Variants in KCTD16 observed in about 807,000 individuals in gnomAD.
KCTD16 encodes the protein potassium channel tetramerization domain containing 16.
A neutral mutation model predicts 33.2 loss-of-function variants in KCTD16; 13 were observed. The ratio of observed to expected loss-of-function variants is 0.39; its 90% CI spans 0.25 to 0.62. The LOEUF (loss-of-function observed/expected upper bound fraction) is 0.62. Ranked by LOEUF, KCTD16 falls within the 20% of genes least tolerant of loss-of-function variation. The pLI is 0.50. For missense variants in KCTD16, 441 were observed against 525.1 expected (o/e 0.84, Z 1.57); for synonymous variants, 197 against 195.3 (o/e 1.01, Z -0.07).
intron 3 of KCTD16, among the ~76,000 whole-genome samples, chr5:144,468,424 G>C (rs1283475551): frequency 6.6e-6 from 1 of 152,094 alleles, no homozygotes; most frequent in Non-Finnish European, 1.5e-5. Context: ...GTTCTTGCCC[G>C]TACTAACCAT....
chr5:144,398,164 C>G (rs1282180016), intron 3 of KCTD16, among the ~76,000 whole-genome samples: 1 of 152,200 alleles, frequency 6.6e-6, no homozygotes, highest in Non-Finnish European at 1.5e-5. Context: ...GGAAATCCCA[C>G]AGCAAAACCT....
intron 3 of KCTD16, among the ~76,000 whole-genome samples, chr5:144,317,518 A>C (rs1164156139): frequency 6.6e-6 from 1 of 152,166 alleles, no homozygotes; most frequent in African/African-American, 2.4e-5. Flanking sequence ...AACCGGAGAA[A>C]GCCCAAACTT....
chr5:144,476,348 C>A lies in KCTD16; in HGVS notation c.*2234C>A, dbSNP rs1010351341. 5 of 152,072 alleles carry A rather than the reference C, an allele frequency of 3.3e-5. No homozygotes were observed. The highest frequency in any genetic ancestry group is 7.2e-5 in the African/African-American group (3 of 41,420). The allele number at this position is 152,072 out of a possible 1,614,324, so 9.4% of individuals were successfully genotyped here. On this transcript the variant is annotated 3_prime_UTR_variant, in exon 4 of 4. Transcript: ENST00000512467. ...TAATGGCCTCAAGATAGAGAGATAC[C>A]CTTATAAGAGTAAAGAATTAAGATG...
intron 3 of KCTD16, among the ~76,000 whole-genome samples, chr5:144,266,096 T>C (rs1755134837): frequency 6.6e-6 from 1 of 152,214 alleles, no homozygotes; most frequent in Admixed American, 6.5e-5. Context: ...GTGTGTTGCC[T>C]CTGAGAGGTT....
intron 3 of KCTD16, among the ~76,000 whole-genome samples, chr5:144,230,629 A>G (rs571881168): frequency 6.6e-5 from 10 of 152,336 alleles, no homozygotes; most frequent in African/African-American, 1.2e-4. Context: ...GGGAATGCCA[A>G]TTATATAAGG....
At chr5:144,194,382 G>T (rs1752901356) in intron 2 of KCTD16, among the ~76,000 whole-genome samples, 1 of 152,190 alleles carries the variant, frequency 6.6e-6, no homozygotes, top group African/African-American at 2.4e-5. Flanking sequence ...CCTCTCAGTA[G>T]GAGGCTCTGC....
chr5:144,446,790 A>G (rs1005507575), intron 3 of KCTD16, among the ~76,000 whole-genome samples: 4 of 152,212 alleles, frequency 2.6e-5, no homozygotes, highest in South Asian at 2.1e-4. Context: ...TATGCAGCCA[A>G]CAAACATATG....
intron 3 of KCTD16, among the ~76,000 whole-genome samples, chr5:144,422,429 T>C (rs963266297): frequency 1.3e-5 from 2 of 152,178 alleles, no homozygotes; most frequent in African/African-American, 2.4e-5. Flanking sequence ...GTATTTGTCC[T>C]CCCCTATTTG....
Position 144,207,005 on chromosome 5 carries a change from T to A in KCTD16, c.291T>A (p.Pro97=). 1 of 1,614,154 alleles carries A rather than the reference T, an allele frequency of 6.2e-7. No homozygotes were observed. The highest frequency in any genetic ancestry group is 8.5e-7 in the Non-Finnish European group (1 of 1,180,024). ...DYLRDRQVVL[P]DHFPEKGRLK... ...TCAGGGACAGGCAGGTGGTCCTGCC[T>A]GATCACTTTCCAGAAAAAGGAAGAC... is the stretch of plus-strand genomic sequence containing the variant. Residue 97 remains proline (P), a synonymous_variant, in exon 3 of 4, where the codon CCT becomes CCA. Coordinates refer to ENST00000512467, the MANE Select transcript of KCTD16 (RefSeq NM_020768.4).
chr5:144,336,970 G>A (rs1050798421), intron 3 of KCTD16, among the ~76,000 whole-genome samples: 1 of 150,846 alleles, frequency 6.6e-6, no homozygotes, highest in African/African-American at 2.4e-5. Context: ...ATACATAATT[G>A]TAGTCATATA....
At chr5:144,332,771 T>C (rs760259917) in intron 3 of KCTD16, among the ~76,000 whole-genome samples, 7 of 152,198 alleles carry the variant, frequency 4.6e-5, no homozygotes, top group Non-Finnish European at 1.0e-4. Flanking sequence ...TTTGATCTTA[T>C]GTATTAGTTC....
chr5:144,249,230 C>T (rs1029898751), intron 3 of KCTD16, among the ~76,000 whole-genome samples: 19 of 152,070 alleles, frequency 1.2e-4, no homozygotes, highest in Non-Finnish European at 2.6e-4. Context: ...TCGTGTTCTC[C>T]GTTTCTGTAA....
intron 3 of KCTD16, among the ~76,000 whole-genome samples, chr5:144,313,280 T>C (rs545342050): frequency 6.6e-6 from 1 of 152,174 alleles, no homozygotes; most frequent in Non-Finnish European, 1.5e-5. Context: ...CAGATTCATA[T>C]AGCATCCATC....
At chr5:144,375,966 G>T (rs1274189578) in intron 3 of KCTD16, among the ~76,000 whole-genome samples, 1 of 151,970 alleles carries the variant, frequency 6.6e-6, no homozygotes, top group African/African-American at 2.4e-5. Flanking sequence ...TTGAATTACA[G>T]GCACGAGCCG....
chr5:144,184,320 T>C (rs1407888043), intron 2 of KCTD16, among the ~76,000 whole-genome samples: 1 of 152,198 alleles, frequency 6.6e-6, no homozygotes, highest in African/African-American at 2.4e-5. Flanking sequence ...ATAGTATTAT[T>C]CTTTTTATGA....
chr5:144,253,006 C>T (rs1353669200), intron 3 of KCTD16, among the ~76,000 whole-genome samples: 1 of 151,588 alleles, frequency 6.6e-6, no homozygotes, highest in Non-Finnish European at 1.5e-5. Flanking sequence ...GAAGCCAGAC[C>T]TGCTTGGAGC....
At chr5:144,336,647 C>T (rs907692849) in intron 3 of KCTD16, among the ~76,000 whole-genome samples, 4 of 152,132 alleles carry the variant, frequency 2.6e-5, no homozygotes, top group Admixed American at 1.3e-4. Context: ...CAGGTTTCAA[C>T]AGTAGGCACT....
chr5:144,381,643 T>C (rs777231002), intron 3 of KCTD16, among the ~76,000 whole-genome samples: 1 of 152,084 alleles, frequency 6.6e-6, no homozygotes, highest in African/African-American at 2.4e-5. Context: ...AGATCTCGTG[T>C]GAACTCAGAG....
At chr5:144,448,517 T>C (rs1753870720) in intron 3 of KCTD16, among the ~76,000 whole-genome samples, 1 of 152,168 alleles carries the variant, frequency 6.6e-6, no homozygotes, top group African/African-American at 2.4e-5. Flanking sequence ...TGATGATTTA[T>C]ATTCGTAACA....
Sources: gnomAD v4.1 joint callset for allele counts (sites outside exome capture counted in the v4.1 genomes callset) on GRCh38, gnomAD v4.1.1 for gene constraint, MANE v1.5 for transcripts, NCBI Gene and HGNC (gene_info 2026-07-23, HGNC 2026-07-21) for gene names.